The following SLIT3 variants were observed in gnomAD, a reference collection of about 807,000 sequenced individuals.
The protein encoded by SLIT3 is slit homolog 3 protein.
In SLIT3, 68 loss-of-function variants were observed where a neutral mutation model predicts 184.0. The observed-to-expected ratio is 0.37, with a 90% CI of 0.30 to 0.45. SLIT3 has a LOEUF of 0.45. Among genes scored for constraint, SLIT3 ranks in the 20% least tolerant of loss-of-function variants. The pLI is 1.00. For missense variants in SLIT3, 1,707 were observed against 2,026.0 expected (o/e 0.84, Z 3.02); for synonymous variants, 831 against 828.6 (o/e 1.00, Z -0.05).
intron 4 of SLIT3, among the ~76,000 whole-genome samples, chr5:169,028,124 G>A (rs1025935402): frequency 4.6e-5 from 7 of 152,090 alleles, no homozygotes; most frequent in Admixed American, 4.6e-4. Context: ...TGGTGGCTTG[G>A]TTTTCTGAGT....
intron 12 of SLIT3, among the ~76,000 whole-genome samples, chr5:168,776,655 C>T (rs1208993384): frequency 2.0e-5 from 3 of 152,190 alleles, no homozygotes; most frequent in Admixed American, 2.0e-4. Flanking sequence ...CTCTTTGCAA[C>T]ATCCCTCCCC....
chr5:168,761,041 G>A, intron 15 of SLIT3, 105 bp from the exon 16 acceptor site: 1 of 849,814 alleles, frequency 1.2e-6, no homozygotes, highest in Non-Finnish European at 2.0e-6. Context: ...ACTCGGTGAA[G>A]GACCACAGAG....
chr5:169,052,865 G>A (rs1403580531), intron 4 of SLIT3, among the ~76,000 whole-genome samples: 1 of 152,142 alleles, frequency 6.6e-6, no homozygotes, highest in Non-Finnish European at 1.5e-5. Context: ...TTCCTGGGGA[G>A]CACCCACCCT....
chr5:169,110,394 A>G (rs1760368396), intron 4 of SLIT3, among the ~76,000 whole-genome samples: 2 of 152,048 alleles, frequency 1.3e-5, no homozygotes, highest in Admixed American at 1.3e-4. Context: ...GAGGTCCAAA[A>G]TCAAGGTGTT....
intron 4 of SLIT3, among the ~76,000 whole-genome samples, chr5:168,962,372 A>C: frequency 6.6e-6 from 1 of 151,600 alleles, no homozygotes; most frequent in East Asian, 1.9e-4. Flanking sequence ...CATATCTGTC[A>C]GAGACTTTTT....
At chr5:168,866,454 T>C (rs1470013712) in intron 5 of SLIT3, among the ~76,000 whole-genome samples, 1 of 152,216 alleles carries the variant, frequency 6.6e-6, no homozygotes, top group East Asian at 1.9e-4. Context: ...GGCTTGGATA[T>C]TAGGCACAAA....
chr5:169,257,062 T>A (rs889172284), intron 1 of SLIT3, among the ~76,000 whole-genome samples: 1 of 152,072 alleles, frequency 6.6e-6, no homozygotes, highest in Non-Finnish European at 1.5e-5. Flanking sequence ...GCTCTATGAA[T>A]GATAATCGTG....
chr5:169,257,405 A>C, intron 1 of SLIT3, among the ~76,000 whole-genome samples: 1 of 84,096 alleles, frequency 1.2e-5, no homozygotes, highest in Non-Finnish European at 2.3e-5. Context: ...CCCCACAACC[A>C]TTTACACACA....
intron 15 of SLIT3, among the ~76,000 whole-genome samples, chr5:168,761,188 G>C (rs1045007645): frequency 3.9e-5 from 6 of 152,108 alleles, no homozygotes; most frequent in African/African-American, 7.2e-5. Context: ...AGTATTCCGC[G>C]TGGGCATGCG....
At chr5:168,688,493 C>T (rs769693095) in intron 29 of SLIT3, among the ~76,000 whole-genome samples, 5 of 152,154 alleles carry the variant, frequency 3.3e-5, no homozygotes, top group Non-Finnish European at 7.3e-5. Flanking sequence ...CCACTGGCAT[C>T]GTTGTGGTTG....
At chr5:168,976,069 G>A (rs950039187) in intron 4 of SLIT3, among the ~76,000 whole-genome samples, 6 of 152,138 alleles carry the variant, frequency 3.9e-5, no homozygotes, top group Non-Finnish European at 7.3e-5. Flanking sequence ...TGCAGGCACC[G>A]CTGGATACCA....
intron 5 of SLIT3, among the ~76,000 whole-genome samples, chr5:168,854,340 T>A (rs1411638435): frequency 2.5e-5 from 3 of 120,922 alleles, no homozygotes; most frequent in African/African-American, 9.5e-5. Context: ...ACCCAGAAGA[T>A]GGTGTTGAGG....
At chr5:168,953,333 A>G (rs1386784584) in intron 4 of SLIT3, among the ~76,000 whole-genome samples, 1 of 152,204 alleles carries the variant, frequency 6.6e-6, no homozygotes, top group Non-Finnish European at 1.5e-5. Context: ...TGCCGTTGTG[A>G]GGATTCAAAG....
chr5:168,902,074 T>G lies in SLIT3; in HGVS notation c.414-18738A>C, dbSNP rs572224115. On this transcript the variant is annotated intron_variant, in intron 4 of 35. Coordinates refer to ENST00000519560, the MANE Select transcript of SLIT3 (RefSeq NM_003062.4). ...GCCCAGCTAACTTTTGTATTTTTAG[T>G]AGAGACGGGATTTCACCATTTTGGC... is the stretch of plus-strand genomic sequence containing the variant. Among the ~76,000 whole-genome samples the G allele has an allele frequency of 4.6e-5, 7 of 152,318 alleles. No homozygotes were observed. In the East Asian group the frequency reaches 1.4e-3, roughly 29 times the overall value.
intron 4 of SLIT3, among the ~76,000 whole-genome samples, chr5:168,925,497 C>T (rs1761786621): frequency 6.6e-6 from 1 of 152,180 alleles, no homozygotes; most frequent in Non-Finnish European, 1.5e-5. Context: ...TTCTCTATTC[C>T]AGTCTTCTGC....
chr5:168,994,503 A>G (rs1010387614), intron 4 of SLIT3, among the ~76,000 whole-genome samples: 1 of 151,794 alleles, frequency 6.6e-6, no homozygotes, highest in Non-Finnish European at 1.5e-5. Context: ...CTGTTTTCAC[A>G]CCCACATAAA....
At chr5:169,204,778 C>A (rs1764013949) in intron 3 of SLIT3, among the ~76,000 whole-genome samples, 2 of 152,066 alleles carry the variant, frequency 1.3e-5, no homozygotes, top group Admixed American at 1.3e-4. Flanking sequence ...CAGCAGAGGC[C>A]AGGGAGAGAT....
intron 23 of SLIT3, among the ~76,000 whole-genome samples, chr5:168,716,723 A>G (rs1188349874): frequency 1.1e-4 from 16 of 151,756 alleles, no homozygotes; most frequent in Non-Finnish European, 2.1e-4. Flanking sequence ...CCACTCCTCA[A>G]TTCCCATCAG....
At chr5:168,950,097 T>C (rs1473125368) in intron 4 of SLIT3, among the ~76,000 whole-genome samples, 1 of 132,900 alleles carries the variant, frequency 7.5e-6, no homozygotes, top group African/African-American at 2.8e-5. Context: ...TAATCACTAA[T>C]GTGATGCTAT....
Sources: gnomAD v4.1 joint callset for allele counts (sites outside exome capture counted in the v4.1 genomes callset) on GRCh38, gnomAD v4.1.1 for gene constraint, MANE v1.5 for transcripts, NCBI Gene and HGNC (gene_info 2026-07-23, HGNC 2026-07-21) for gene names.